USP31: variants seen among roughly 807,000 people sequenced by gnomAD.
USP31 encodes the protein ubiquitin specific peptidase 31, also known as ubiquitin carboxyl-terminal hydrolase 31.
A neutral mutation model predicts 119.4 loss-of-function variants in USP31; 44 were observed. The observed-to-expected ratio is 0.37, with a 90% CI of 0.29 to 0.47. The LOEUF (loss-of-function observed/expected upper bound fraction) is 0.47, where lower values mean the gene tolerates loss of function less well. Ranked by LOEUF, USP31 falls within the 20% of genes least tolerant of loss-of-function variation. USP31 has a pLI of 0.99. For synonymous variants in USP31, 749 were observed against 705.6 expected, an observed-to-expected ratio of 1.06 and a Z score of -0.97; for missense variants, 1,643 against 1,730.2, an observed-to-expected ratio of 0.95 and a Z score of 0.89.
At position 23,149,363 on chromosome 16, in the gene USP31, C is replaced by T. The variant is rs1388428730; in HGVS notation, c.-93G>A. On this transcript the variant is annotated 5_prime_UTR_variant, in exon 1 of 16. Transcript: ENST00000219689. ...CGCATCCCGCAGCGCCGCGCCTCAC[C>T]GGGCCCGGGGGCTCGACGCCCCACA... 3.0e-6 allele frequency: 3 copies of T among 991,596 alleles called. No homozygotes were observed. The highest frequency in any genetic ancestry group is 1.2e-6 in the Non-Finnish European group (1 of 835,556). 61.4% of individuals were successfully genotyped at this position (991,596 alleles called of 1,614,324 possible). A position where few individuals can be genotyped will look rare whatever the true frequency, so the allele number is the denominator to read the frequency against.
At chr16:23,143,749 A>G (rs1020439834) in intron 1 of USP31, among the ~76,000 whole-genome samples, 5 of 152,198 alleles carry the variant, frequency 3.3e-5, no homozygotes, top group African/African-American at 1.2e-4. Context: ...ACCCTTTAGT[A>G]AGGGGGGCTG....
intron 1 of USP31, among the ~76,000 whole-genome samples, chr16:23,111,322 T>C (rs1902308722): frequency 1.3e-5 from 2 of 152,046 alleles, no homozygotes; most frequent in Admixed American, 1.3e-4. Context: ...GTAGAATCAA[T>C]AGGATTTGTG....
intron 1 of USP31, among the ~76,000 whole-genome samples, chr16:23,133,636 C>T (rs1174484943): frequency 2.0e-5 from 3 of 152,174 alleles, no homozygotes; most frequent in Admixed American, 6.5e-5. Context: ...TCCATTTCTT[C>T]CTCAGTTATC....
rs749018778 is a variant in USP31, at chr16:23,069,150, G to T, written c.2955C>A (p.Asn985Lys). The T allele has an allele frequency of 8.1e-6, 13 of 1,613,922 alleles. No homozygotes were observed. Among genetic ancestry groups the T allele is most frequent in the Non-Finnish European group, 1.1e-5 (13 of 1,180,006 alleles). The change falls in exon 16 of 16, where the codon AAC becomes AAA. Residue 985 changes from asparagine (N) to lysine (K), a missense_variant. Around this residue, in one of 5 missense-constraint regions of USP31, gnomAD observed 699 missense variants for 650.9 expected, o/e 1.07. Transcript: ENST00000219689. The stretch of plus-strand genomic sequence containing the variant: ...GATCCACATAAGCGATCTGATTATT[G>T]TTATCAAATGGACCAGAGAGCGGGG... ...RLPPLSGPFD[N>K]NNQIAYVDQS...
At position 23,102,046 on chromosome 16, in the gene USP31, CTACT is replaced by C. The variant is rs550853199; in HGVS notation, c.1234+269_1234+272del. On this transcript the variant is annotated intron_variant, in intron 6 of 15. Coordinates refer to ENST00000219689, the MANE Select transcript of USP31 (RefSeq NM_020718.4). ...ATGTCATGATAAGATGCCAAAAAGG[CTACT>C]TAAAGAGGTCACAGTCAGTCCTAAA... Among the ~76,000 whole-genome samples, 338 of 148,152 alleles carry C rather than the reference CTACT, an allele frequency of 2.3e-3. 3 individuals carry two copies. The highest frequency in any genetic ancestry group is 7.7e-3 in the African/African-American group (312 of 40,332).
rs530153791 is a variant in USP31 at position 23,144,636 on chromosome 16, C to T, written c.633+4002G>A. Among the ~76,000 whole-genome samples the T allele has an allele frequency of 3.9e-5, 6 of 152,184 alleles. No homozygotes were observed. In the South Asian group the frequency reaches 8.3e-4, roughly 21 times the overall value. On this transcript the variant is annotated intron_variant, in intron 1 of 15. Coordinates refer to ENST00000219689, the MANE Select transcript of USP31 (RefSeq NM_020718.4). ...CTGGGATTACAGGTGTGTGCCACCACGCTCGGCTACTTTTTGTATTTTTTT... is the reference window on the plus strand; with the variant it reads ...CTGGGATTACAGGTGTGTGCCACCATGCTCGGCTACTTTTTGTATTTTTTT...
At chr16:23,090,408 C>A (rs1428428682) in intron 7 of USP31, among the ~76,000 whole-genome samples, 2 of 135,804 alleles carry the variant, frequency 1.5e-5, no homozygotes, top group African/African-American at 5.0e-5. Flanking sequence ...AACAAACAAA[C>A]AACAACAACA....
rs1362392202 is a variant in USP31, at chr16:23,149,292, T to C, written c.-22A>G. ...ACATGGCGGCGGCCGCAGACACTCATCACCGCGCCCGCCCGCCCGGCCCGC... is the reference window on the plus strand; with the variant it reads ...ACATGGCGGCGGCCGCAGACACTCACCACCGCGCCCGCCCGCCCGGCCCGC... On this transcript the variant is annotated 5_prime_UTR_variant, in exon 1 of 16. An upstream start codon of the reference 5' UTR is lost. Transcript: ENST00000219689. 44 of 1,054,010 alleles carry C rather than the reference T, an allele frequency of 4.2e-5. No homozygotes were observed. The highest frequency in any genetic ancestry group is 5.0e-5 in the Non-Finnish European group (44 of 875,742). 65.3% of individuals were successfully genotyped at this position (1,054,010 alleles called of 1,614,324 possible). A position where few individuals can be genotyped will look rare whatever the true frequency, so the allele number is the denominator to read the frequency against.
chr16:23,139,474 G>C (rs866812806), intron 1 of USP31, among the ~76,000 whole-genome samples: 4 of 152,202 alleles, frequency 2.6e-5, no homozygotes, highest in Middle Eastern at 3.2e-3. Context: ...TCAGCGCTAA[G>C]AGCAGGTAGT....
At chr16:23,092,580 G>A (rs1901414988) in intron 6 of USP31, among the ~76,000 whole-genome samples, 1 of 152,150 alleles carries the variant, frequency 6.6e-6, no homozygotes, top group South Asian at 2.1e-4. Context: ...GTGAGGAAAG[G>A]CTCTCTGGAC....
chr16:23,084,893 G>A lies in USP31; in HGVS notation c.1797C>T (p.Ser599=), dbSNP rs1365657314. The change falls in exon 11 of 16, where the codon TCC becomes TCT. Residue 599 remains serine, a synonymous_variant. Coordinates refer to ENST00000219689, the MANE Select transcript of USP31 (RefSeq NM_020718.4). ...RHHQPQTCTL[S]QCFQLYTKEE... The stretch of plus-strand genomic sequence containing the variant: ...CTTTGGTGTACAGTTGGAAACACTG[G>A]GATAAAGTGCAGGTTTGAGGCTGAT... The A allele has an allele frequency of 5.0e-6, 8 of 1,613,918 alleles. No individual in the cohort carries two copies. The highest frequency in any genetic ancestry group is 5.9e-6 in the Non-Finnish European group (7 of 1,180,004).
At chr16:23,125,614 T>C (rs1902829064) in intron 1 of USP31, among the ~76,000 whole-genome samples, 2 of 152,232 alleles carry the variant, frequency 1.3e-5, no homozygotes, top group Non-Finnish European at 2.9e-5. Context: ...CCACGAGCTG[T>C]TGCTTTTAAA....
rs1390968203 is a variant in USP31 at position 23,136,824 on chromosome 16, T to C, written c.633+11814A>G. Among the ~76,000 whole-genome samples the C allele has an allele frequency of 3.3e-5, 5 of 152,278 alleles. No individual in the cohort carries two copies. The East Asian group carries it at 9.6e-4, about 29-fold the overall frequency. On this transcript the variant is annotated intron_variant, in intron 1 of 15. Transcript: ENST00000219689. ...ACTAACAAAAAACTAATTCAAAAAT[T>C]AGCAAAGACCTGAATAGACATTTCT...
rs1446173724 is a variant in USP31, at chr16:23,065,382, A to G, written c.*2664T>C. Reference sequence around the variant, plus strand: ...CCAACACCAAGTCCCCAACCCTACCAATGAACTAAATTGAATCAAGTAACT... The same window carrying G: ...CCAACACCAAGTCCCCAACCCTACCGATGAACTAAATTGAATCAAGTAACT... On this transcript the variant is annotated 3_prime_UTR_variant, in exon 16 of 16. Transcript: ENST00000219689. 1 of 152,140 alleles carries G rather than the reference A, an allele frequency of 6.6e-6. No individual in the cohort carries two copies. Among genetic ancestry groups the G allele is most frequent in the Non-Finnish European group, 1.5e-5 (1 of 68,018 alleles). The allele number at this position is 152,140 out of a possible 1,614,324, so 9.4% of individuals were successfully genotyped here. A position where few individuals can be genotyped will look rare whatever the true frequency, so the allele number is the denominator to read the frequency against.
In USP31 at chr16:23,134,875, T is replaced by TA. The variant is rs1226997073; in HGVS notation, c.633+13762dup. Reference sequence around the variant, plus strand: ...ATTTTTATCAAATGTACCAAATGTTTAAAGTTGTTACCTTATACACACACA... The same window carrying TA: ...ATTTTTATCAAATGTACCAAATGTTTAAAAGTTGTTACCTTATACACACACA... On this transcript the variant is annotated intron_variant, in intron 1 of 15. Transcript: ENST00000219689. Among the ~76,000 whole-genome samples, 42 of 134,538 alleles carry TA rather than the reference T, an allele frequency of 3.1e-4. 1 individual carries two copies. Among genetic ancestry groups the TA allele is most frequent in the Non-Finnish European group, 6.1e-4 (39 of 64,018 alleles). 88.3% of individuals were successfully genotyped at this position (134,538 alleles called of 152,430 possible). A position where few individuals can be genotyped will look rare whatever the true frequency, so the allele number is the denominator to read the frequency against.
At chr16:23,096,579 C>T (rs1901623673) in intron 6 of USP31, among the ~76,000 whole-genome samples, 2 of 152,154 alleles carry the variant, frequency 1.3e-5, no homozygotes, top group Admixed American at 1.3e-4. Context: ...TAAAATTGAC[C>T]ACATAAATGG....
chr16:23,123,373 A>G (rs889809108), intron 1 of USP31, among the ~76,000 whole-genome samples: 1 of 151,952 alleles, frequency 6.6e-6, no homozygotes, highest in Non-Finnish European at 1.5e-5. Context: ...CCCTGTCTCT[A>G]CTAAAAATAC....
At chr16:23,124,726 T>C (rs1902790782) in intron 1 of USP31, among the ~76,000 whole-genome samples, 1 of 152,050 alleles carries the variant, frequency 6.6e-6, no homozygotes. Flanking sequence ...CCATCTCTGC[T>C]AAAAATACAA....
chr16:23,071,961 C>CT, intron 15 of USP31, 84 bp downstream of exon 15: 1 of 1,531,094 alleles, frequency 6.5e-7, no homozygotes, highest in Non-Finnish European at 8.8e-7. Flanking sequence ...CTCCTTGGGA[C>CT]TTAGCTCCTA....
Sources: allele counts gnomAD v4.1 joint callset (sites outside exome capture counted in the v4.1 genomes callset), GRCh38; gene constraint gnomAD v4.1.1; regional missense constraint gnomAD v4.1.1; transcripts MANE v1.5; gene names NCBI Gene and HGNC (gene_info 2026-07-23, HGNC 2026-07-21).